Variants in NTM observed in about 807,000 individuals in gnomAD.
The protein encoded by NTM is IgLON family member 2.
A neutral mutation model predicts 42.1 loss-of-function variants in NTM; 13 were observed. The observed-to-expected ratio is 0.31, with a 90% CI of 0.20 to 0.49. The LOEUF is 0.49. NTM is among the 20% of genes least tolerant of loss of function. The pLI is 0.99. For missense variants in NTM, 373 were observed against 452.8 expected (o/e 0.82, Z 1.60); for synonymous variants, 187 against 179.2 (o/e 1.04, Z -0.35).
intron 5 of NTM, 131 bp from the exon 6 acceptor site, chr11:132,309,981 G>A (rs1364564916): frequency 1.7e-5 from 19 of 1,114,084 alleles, no homozygotes; most frequent in South Asian, 8.0e-5. Flanking sequence ...GCTTGAACCC[G>A]GGAGGCAGAA....
intron 1 of NTM, among the ~76,000 whole-genome samples, chr11:131,529,724 A>T (rs529215583): frequency 6.6e-6 from 1 of 152,194 alleles, no homozygotes; most frequent in Non-Finnish European, 1.5e-5. Flanking sequence ...AAGACTGAAA[A>T]GCCTGGGCCT....
intron 3 of NTM, among the ~76,000 whole-genome samples, chr11:132,199,559 G>A (rs1006920136): frequency 3.4e-4 from 52 of 152,112 alleles, no homozygotes; most frequent in Non-Finnish European, 6.8e-4. Context: ...CTTCCCCTCT[G>A]TATCCATAGA....
intron 7 of NTM, chr11:132,317,534 A>T (rs2136213825): frequency 7.2e-6 from 3 of 415,174 alleles, no homozygotes; most frequent in Admixed American, 3.4e-5. Flanking sequence ...TTTTTATATA[A>T]TCCCCCAGAA....
At chr11:132,261,319 C>A (rs1030513648) in intron 4 of NTM, among the ~76,000 whole-genome samples, 1 of 152,094 alleles carries the variant, frequency 6.6e-6, no homozygotes, top group African/African-American at 2.4e-5. Flanking sequence ...GTCTTGAAGC[C>A]CACCCCACGG....
chr11:131,757,600 G>T lies in NTM; in HGVS notation c.83-153964G>T, dbSNP rs202176399. Reference sequence around the variant, plus strand: ...GTGAGACGGGGCTGAGTAAACAGAGGTTTCCATTAGCTCAGGGGAAGTGGA... The same window carrying T: ...GTGAGACGGGGCTGAGTAAACAGAGTTTTCCATTAGCTCAGGGGAAGTGGA... On this transcript the variant is annotated intron_variant, in intron 1 of 8. Transcript: ENST00000683400. Among the ~76,000 whole-genome samples the T allele has an allele frequency of 2.0e-5, 3 of 152,300 alleles. No individual in the cohort carries two copies. The East Asian group carries it at 5.8e-4, about 29-fold the overall frequency.
intron 3 of NTM, among the ~76,000 whole-genome samples, chr11:132,179,304 C>T (rs1485297613): frequency 6.6e-6 from 1 of 152,076 alleles, no homozygotes; most frequent in Admixed American, 6.5e-5. Flanking sequence ...ATCCAAAGTA[C>T]CCTAATGGAT....
At chr11:131,446,910 G>A (rs1950101260) in intron 1 of NTM, among the ~76,000 whole-genome samples, 1 of 152,234 alleles carries the variant, frequency 6.6e-6, no homozygotes, top group African/African-American at 2.4e-5. Context: ...GTCCTTCACA[G>A]CGATCAGAGG....
intron 1 of NTM, among the ~76,000 whole-genome samples, chr11:131,835,137 G>T (rs2043327191): frequency 6.6e-6 from 1 of 152,134 alleles, no homozygotes; most frequent in South Asian, 2.1e-4. Flanking sequence ...TTAGGAGATG[G>T]TAGATACCAA....
chr11:131,595,716 A>G (rs2059760116), intron 1 of NTM, among the ~76,000 whole-genome samples: 1 of 152,250 alleles, frequency 6.6e-6, no homozygotes, highest in African/African-American at 2.4e-5. Context: ...GTGAAGGCAT[A>G]TCAAGCTTCT....
At chr11:131,800,134 C>T (rs1436323847) in intron 1 of NTM, among the ~76,000 whole-genome samples, 1 of 152,180 alleles carries the variant, frequency 6.6e-6, no homozygotes, top group African/African-American at 2.4e-5. Flanking sequence ...AATTGAAGCT[C>T]TCTCTAAAGT....
rs1555059978 is a variant in NTM, at chr11:132,275,690, T to TTA, written c.527-31989_527-31988dup. ...TATTTATGAAGTACAACTTGATGTTTTATATATATATGTATATATATATGT... is the reference window on the plus strand; with the variant it reads ...TATTTATGAAGTACAACTTGATGTTTTATATATATATATGTATATATATATGT... On this transcript the variant is annotated intron_variant, in intron 4 of 8. Transcript: ENST00000683400. 1.0e-4 allele frequency among the ~76,000 whole-genome samples: 10 copies of TTA among 100,166 alleles called. 1 individual carries two copies. The highest frequency in any genetic ancestry group is 4.4e-4 in the East Asian group (2 of 4,542). The allele number at this position is 100,166 out of a possible 152,430, so 65.7% of individuals were successfully genotyped here.
At chr11:131,596,519 T>G (rs576591794) in intron 1 of NTM, among the ~76,000 whole-genome samples, 47 of 152,368 alleles carry the variant, frequency 3.1e-4, no homozygotes, top group Non-Finnish European at 6.6e-4. Flanking sequence ...CATCTGGGTT[T>G]TCCTCCTCTG....
At chr11:131,799,427 A>G (rs923973935) in intron 1 of NTM, among the ~76,000 whole-genome samples, 1 of 152,120 alleles carries the variant, frequency 6.6e-6, no homozygotes, top group African/African-American at 2.4e-5. Flanking sequence ...CAAACAAATC[A>G]AAAAGGATTT....
intron 4 of NTM, among the ~76,000 whole-genome samples, chr11:132,278,642 C>T (rs1049440973): frequency 6.6e-6 from 1 of 152,094 alleles, no homozygotes; most frequent in Non-Finnish European, 1.5e-5. Context: ...GGTATGGAGA[C>T]ACCATCCAGA....
At chr11:131,929,737 G>A (rs1244197898) in intron 2 of NTM, among the ~76,000 whole-genome samples, 2 of 152,128 alleles carry the variant, frequency 1.3e-5, no homozygotes, top group Non-Finnish European at 2.9e-5. Flanking sequence ...GTCATATCGT[G>A]AAGGTTTCCT....
intron 2 of NTM, among the ~76,000 whole-genome samples, chr11:131,939,798 C>A (rs1326505057): frequency 6.6e-6 from 1 of 152,090 alleles, no homozygotes; most frequent in East Asian, 1.9e-4. Flanking sequence ...CAAGATTCTT[C>A]TTTTACCCCC....
At chr11:131,570,838 A>T (rs1369661610) in intron 1 of NTM, among the ~76,000 whole-genome samples, 2 of 152,252 alleles carry the variant, frequency 1.3e-5, no homozygotes, top group Non-Finnish European at 2.9e-5. Flanking sequence ...AGATAAATAA[A>T]TACAAAATAA....
chr11:131,674,468 T>C (rs1233262227), intron 1 of NTM, among the ~76,000 whole-genome samples: 2 of 152,228 alleles, frequency 1.3e-5, no homozygotes, highest in African/African-American at 4.8e-5. Flanking sequence ...TGGATGGTGC[T>C]TCTGCTTCCC....
At chr11:131,925,141 G>C (rs749610045) in intron 2 of NTM, among the ~76,000 whole-genome samples, 65 of 152,190 alleles carry the variant, frequency 4.3e-4, no homozygotes, top group Admixed American at 2.1e-3. Context: ...ATCCATAATG[G>C]ACTTAACTCA....
Sources: gnomAD v4.1 joint callset for allele counts (sites outside exome capture counted in the v4.1 genomes callset) on GRCh38, gnomAD v4.1.1 for gene constraint, MANE v1.5 for transcripts, NCBI Gene and HGNC (gene_info 2026-07-23, HGNC 2026-07-21) for gene names.